The following SASH3 variants were observed in gnomAD, a reference collection of about 807,000 sequenced individuals.
SASH3 encodes the protein SAM and SH3 domain containing 3.
SASH3 carries 7 observed loss-of-function variants against 26.1 expected under a neutral mutation model. The ratio of observed to expected loss-of-function variants is 0.27; its 90% CI spans 0.15 to 0.50. The LOEUF is 0.50. Among genes scored for constraint, SASH3 ranks in the 20% least tolerant of loss-of-function variants. The probability of loss-of-function intolerance (pLI) is 0.98; values close to 1 mark genes in which losing one functional copy is unlikely to be tolerated. For missense variants in SASH3, 231 were observed against 318.3 expected (o/e 0.73, Z 2.09); for synonymous variants, 138 against 136.8 (o/e 1.01, Z -0.06).
At position 129,791,058 on chromosome X, in the gene SASH3, T is replaced by C. The variant is rs1267266415; in HGVS notation, c.419T>C (p.Val140Ala). The change falls in exon 4 of 8, where the codon GTG becomes GCG. Residue 140 changes from valine (V) to alanine (A), a missense_variant. Transcript: ENST00000356892. Reference protein sequence around the residue: ...FSEQEEHELPVLSRQASTGSE... With the variant: ...FSEQEEHELPALSRQASTGSE... ...GAGCAAGAGGAGCATGAACTTCCGGTGCTCAGCCGCCAGGCATCAACAGGT... is the reference window on the plus strand; with the variant it reads ...GAGCAAGAGGAGCATGAACTTCCGGCGCTCAGCCGCCAGGCATCAACAGGT... The C allele has an allele frequency of 4.1e-6, 5 of 1,210,761 alleles. No individual in the cohort carries two copies. Among genetic ancestry groups the C allele is most frequent in the Non-Finnish European group, 4.5e-6 (4 of 895,084 alleles).
At chrX:129,785,471 C>T (rs1024636085) in intron 1 of SASH3, among the ~76,000 whole-genome samples, 5 of 111,786 alleles carry the variant, frequency 4.5e-5, no homozygotes, top group African/African-American at 1.6e-4. Flanking sequence ...GGCCCAAGAC[C>T]CAGCACCATC....
intron 3 of SASH3, among the ~76,000 whole-genome samples, chrX:129,789,110 A>AAAG (rs1171284975): frequency 1.0e-4 from 2 of 19,854 alleles, no homozygotes; most frequent in Non-Finnish European, 1.7e-4. Context: ...TCAAAAAAAA[A>AAAG]AAGAAAGAAA....
intron 2 of SASH3, 63 bp downstream of exon 2, chrX:129,788,133 G>GGGGGGA: frequency 9.6e-6 from 3 of 312,632 alleles, no homozygotes; most frequent in Middle Eastern, 7.6e-4. Flanking sequence ...GTGGGGGTGG[G>GGGGGGA]AGGGAAGAGG....
chrX:129,780,474 A>G (rs1363092943), intron 1 of SASH3, among the ~76,000 whole-genome samples: 1 of 112,628 alleles, frequency 8.9e-6, no homozygotes. Flanking sequence ...ACAAAATACA[A>G]TGCTTAAGCT....
intron 4 of SASH3, among the ~76,000 whole-genome samples, chrX:129,792,047 G>A (rs2063837953): frequency 9.0e-6 from 1 of 111,678 alleles, no homozygotes; most frequent in African/African-American, 3.3e-5. Flanking sequence ...GTTCTCTAGA[G>A]GCCCTCCTAA....
intron 1 of SASH3, among the ~76,000 whole-genome samples, chrX:129,783,928 C>A (rs1282861412): frequency 4.5e-5 from 5 of 111,733 alleles, no homozygotes; most frequent in Admixed American, 3.8e-4. Context: ...ATTGAAAAAT[C>A]TTTCCATAGA....
chrX:129,793,247 C>A, intron 7 of SASH3, 108 bp downstream of exon 7: 1 of 872,599 alleles, frequency 1.1e-6, no homozygotes, highest in Non-Finnish European at 1.6e-6. Context: ...CCTAGGACTG[C>A]TCTGCAGTGG....
At chrX:129,790,029 A>AAG (rs1167997673) in intron 3 of SASH3, among the ~76,000 whole-genome samples, 1 of 112,242 alleles carries the variant, frequency 8.9e-6, no homozygotes, top group Non-Finnish European at 1.9e-5. Flanking sequence ...TGAGCCCAGT[A>AAG]AGAGTCCAGC....
intron 1 of SASH3, among the ~76,000 whole-genome samples, chrX:129,784,056 T>G (rs1475849314): frequency 9.0e-6 from 1 of 110,540 alleles, no homozygotes; most frequent in African/African-American, 3.3e-5. Context: ...CTCTCAGAAG[T>G]CTAGAAGCTT....
rs1030989164 is a variant in SASH3, at chrX:129,793,093, C to T, written c.906C>T (p.His302=). ...LNELNIMDPQ[H]RAKLLTAAEL... is the part of the protein sequence containing the mutation. ...AGCTGAACATCATGGATCCACAGCA[C>T]CGGGCCAAGCTGCTCACGGCCGCCG... The change falls in exon 7 of 8, where the codon CAC becomes CAT. Residue 302 remains histidine (H), a synonymous_variant. Coordinates refer to ENST00000356892, the MANE Select transcript of SASH3 (RefSeq NM_018990.4). 2 of 1,211,578 alleles carry T rather than the reference C, an allele frequency of 1.7e-6. No homozygotes were observed. The highest frequency in any genetic ancestry group is 2.2e-6 in the Non-Finnish European group (2 of 895,466).
In SASH3 at chrX:129,793,727, G is replaced by A. The variant is rs140005980; in HGVS notation, c.1038G>A (p.Pro346=). 4.7e-5 allele frequency: 57 copies of A among 1,210,879 alleles called. No individual in the cohort carries two copies. Among genetic ancestry groups the A allele is most frequent in the Middle Eastern group, 2.3e-4 (1 of 4,279 alleles). Residue 346 remains proline, a synonymous_variant, in exon 8 of 8, where the codon CCG becomes CCA. Coordinates refer to ENST00000356892, the MANE Select transcript of SASH3 (RefSeq NM_018990.4). ...HTVSEPKVDI[P]RDSGCFEGSE... ...TGTCGGAACCCAAGGTGGACATCCC[G>A]CGCGACTCAGGCTGCTTTGAGGGCT...
Position 129,792,651 on chromosome X carries a change from G to GA in SASH3, c.620dup (p.Pro208AlafsTer48). On this transcript the variant is annotated frameshift_variant, in exon 6 of 8. Coordinates refer to ENST00000356892, the MANE Select transcript of SASH3 (RefSeq NM_018990.4). LOFTEE classifies it high-confidence loss of function. ...GAAAGGAGATGTGATCCAGATCATT[G>GA]AAAAGCCACCTGTGGGCACGTGGCT... is the stretch of plus-strand genomic sequence containing the variant. 8.3e-7 allele frequency: 1 copy of GA among 1,210,830 alleles called. No individual in the cohort carries two copies. Among genetic ancestry groups the GA allele is most frequent in the South Asian group, 1.8e-5 (1 of 57,016 alleles).
chrX:129,790,212 C>T (rs913143138), intron 3 of SASH3, among the ~76,000 whole-genome samples: 1 of 112,067 alleles, frequency 8.9e-6, no homozygotes, highest in African/African-American at 3.2e-5. Context: ...ATAGCATCTT[C>T]ATGGTGGCAA....
In SASH3 at chrX:129,792,825, A is replaced by G. The variant is rs1927256465; in HGVS notation, c.790A>G (p.Ile264Val). ...PKTLHELLER[I>V]GLEEHTSTLL... ...GACCCTGCATGAGCTGCTGGAGCGC[A>G]TCGGCCTGGAGGTTTGAGCTTGGTC... Residue 264 changes from isoleucine (I) to valine (V), a missense_variant, in exon 6 of 8, where the codon ATC (isoleucine) becomes GTC (valine). By Grantham distance (29) the Ile-to-Val change is conservative. Transcript: ENST00000356892. 1 of 1,186,067 alleles carries G rather than the reference A, an allele frequency of 8.4e-7. No homozygotes were observed. Among genetic ancestry groups the G allele is most frequent in the Non-Finnish European group, 1.1e-6 (1 of 884,441 alleles).
At position 129,792,979 on chromosome X, in the gene SASH3, C is replaced by A. The variant is rs1927259456; in HGVS notation, c.802-10C>A. On this transcript the variant is annotated splice_polypyrimidine_tract_variant and intron_variant, in intron 6 of 7. Coordinates refer to ENST00000356892, the MANE Select transcript of SASH3 (RefSeq NM_018990.4). ...AAGCAGCTGTGCCGATGGCCTGCCT[C>A]TGCCTACAGGAGCACACATCCACCC... The A allele has an allele frequency of 8.3e-7, 1 of 1,209,243 alleles. No homozygotes were observed. The highest frequency in any genetic ancestry group is 1.8e-5 in the African/African-American group (1 of 57,014).
intron 1 of SASH3, among the ~76,000 whole-genome samples, chrX:129,785,421 T>C (rs1467201794): frequency 8.9e-6 from 1 of 111,733 alleles, no homozygotes; most frequent in Non-Finnish European, 1.9e-5. Flanking sequence ...AGAACATGTG[T>C]TTGTCCTTTC....
intron 1 of SASH3, among the ~76,000 whole-genome samples, chrX:129,781,765 G>C (rs1269608200): frequency 8.9e-6 from 1 of 112,325 alleles, no homozygotes; most frequent in Admixed American, 9.4e-5. Context: ...TCTCTCCCAG[G>C]AGAAGGGGTC....
Position 129,794,233 on chromosome X carries a change from G to A in SASH3, c.*401G>A, listed in dbSNP as rs1353809259. The A allele has an allele frequency of 1.7e-5, 3 of 174,880 alleles. No individual in the cohort carries two copies. The highest frequency in any genetic ancestry group is 1.1e-5 in the Non-Finnish European group (1 of 92,340). The allele number at this position is 174,880 out of a possible 1,213,427, so 14.4% of individuals were successfully genotyped here. A position where few individuals can be genotyped will look rare whatever the true frequency, so the allele number is the denominator to read the frequency against. On this transcript the variant is annotated 3_prime_UTR_variant, in exon 8 of 8. Transcript: ENST00000356892. Reference sequence around the variant, plus strand: ...CCCTGTCGCACTGCTCCTGAAAAGGGGGCCAAGTCAATGTTTCAGGTCAGT... The same window carrying A: ...CCCTGTCGCACTGCTCCTGAAAAGGAGGCCAAGTCAATGTTTCAGGTCAGT...
chrX:129,792,776 C>T lies in SASH3; in HGVS notation c.741C>T (p.Ser247=), dbSNP rs779075421. The T allele has an allele frequency of 1.7e-6, 2 of 1,205,996 alleles. No homozygotes were observed. Among genetic ancestry groups the T allele is most frequent in the Non-Finnish European group, 1.1e-6 (1 of 894,096 alleles). The change falls in exon 6 of 8, where the codon AGC becomes AGT. Residue 247 remains serine (S), a synonymous_variant. Transcript: ENST00000356892. The stretch of plus-strand genomic sequence containing the variant: ...ATGCCCGCCCCAGCCGCCGACAGAG[C>T]AAGGGCAAGAGGCCCAAGCCTAAGA... ...VGHARPSRRQ[S]KGKRPKPKTL...
Sources: allele counts gnomAD v4.1 joint callset (sites outside exome capture counted in the v4.1 genomes callset), GRCh38; gene constraint gnomAD v4.1.1; transcripts MANE v1.5; gene names NCBI Gene and HGNC (gene_info 2026-07-23, HGNC 2026-07-21).